The following OSGIN1 variants were observed in gnomAD, a reference collection of about 807,000 sequenced individuals.
The protein encoded by OSGIN1 is oxidative stress induced growth inhibitor 1.
OSGIN1 carries 19 observed loss-of-function variants against 20.1 expected under a neutral mutation model. That is an observed-to-expected ratio of 0.95 (90% CI 0.66 to 1.39). The LOEUF (loss-of-function observed/expected upper bound fraction) is 1.39, where lower values mean the gene tolerates loss of function less well. Ranked by LOEUF, OSGIN1 falls within the 40% of genes most tolerant of loss-of-function variation. OSGIN1 has a pLI of 0.00. For missense variants in OSGIN1, 820 were observed against 653.0 expected (o/e 1.26, Z -2.79); for synonymous variants, 368 against 297.8 (o/e 1.24, Z -2.43).
At chr16:83,956,389 C>T (rs824399) in intron 1 of OSGIN1, among the ~76,000 whole-genome samples, 8,568 of 152,334 alleles carry the variant, frequency 0.056, 283 homozygotes, top group South Asian at 0.13. Flanking sequence ...AATCCAGATT[C>T]CCACTTTCTC....
chr16:83,956,072 G>C (rs535056450), intron 1 of OSGIN1, among the ~76,000 whole-genome samples: 4 of 152,328 alleles, frequency 2.6e-5, no homozygotes, highest in Admixed American at 6.5e-5. Context: ...CACCTCTCAA[G>C]GCTGCTGAGC....
rs781705166 is a variant in OSGIN1, at chr16:83,965,614, G to A, written c.1041G>A (p.Gln347=). 1 of 1,613,182 alleles carries A rather than the reference G, an allele frequency of 6.2e-7. No individual in the cohort carries two copies. The highest frequency in any genetic ancestry group is 2.2e-5 in the East Asian group (1 of 44,882). The change falls in exon 6 of 6, where the codon CAG becomes CAA. Residue 347 remains glutamine (Q), a synonymous_variant. Coordinates refer to ENST00000393306, the MANE Select transcript of OSGIN1 (RefSeq NM_182981.3). ...AGGTGCACCAGATGATGCGGGAGCA[G>A]TCCATCCTGTCGCCCAGCCCCTATG... ...YHKVHQMMRE[Q]SILSPSPYEG... is the part of the protein sequence containing the mutation.
chr16:83,957,495 G>T, intron 1 of OSGIN1, 145 bp from the exon 2 acceptor site: 1 of 594,062 alleles, frequency 1.7e-6, no homozygotes, highest in South Asian at 2.0e-5. Flanking sequence ...GAGCAAGAAG[G>T]GAGTCCCGTC....
chr16:83,966,271 A>G lies in OSGIN1; in HGVS notation c.*264A>G, dbSNP rs1423597943. 1.9e-6 allele frequency: 1 copy of G among 515,150 alleles called. No individual in the cohort carries two copies. 31.9% of individuals were successfully genotyped at this position (515,150 alleles called of 1,614,324 possible). A position where few individuals can be genotyped will look rare whatever the true frequency, so the allele number is the denominator to read the frequency against. On this transcript the variant is annotated 3_prime_UTR_variant, in exon 6 of 6. Coordinates refer to ENST00000393306, the MANE Select transcript of OSGIN1 (RefSeq NM_182981.3). ...GGTGTGACCAGCTGAGCACCCAGCCAGGAGACCTGCAGCCCTGCGCCTTCC... is the reference window on the plus strand; with the variant it reads ...GGTGTGACCAGCTGAGCACCCAGCCGGGAGACCTGCAGCCCTGCGCCTTCC...
At chr16:83,960,787 T>G (rs368041133) in intron 4 of OSGIN1, 27 bp downstream of exon 4, 86 of 1,606,576 alleles carry the variant, frequency 5.4e-5, no homozygotes, top group Non-Finnish European at 6.8e-5. Flanking sequence ...GGGCATGGCT[T>G]GTGGGGGGCT....
Position 83,965,366 on chromosome 16 carries a change from A to G in OSGIN1, c.793A>G (p.Ile265Val). 1 of 1,571,888 alleles carries G rather than the reference A, an allele frequency of 6.4e-7. No individual in the cohort carries two copies. Among genetic ancestry groups the G allele is most frequent in the South Asian group, 1.2e-5 (1 of 85,142 alleles). The change falls in exon 6 of 6, where the codon ATC becomes GTC. Residue 265 changes from isoleucine to valine, a missense_variant. Transcript: ENST00000393306. ...LGIPGEALPF[I>V]HHELSALEAA... ...CATCCCCGGGGAGGCCCTGCCCTTC[A>G]TCCACCATGAGCTGTCTGCCCTGGA...
intron 1 of OSGIN1, among the ~76,000 whole-genome samples, chr16:83,955,966 C>A (rs538253012): frequency 6.6e-6 from 1 of 152,264 alleles, no homozygotes; most frequent in South Asian, 2.1e-4. Context: ...CAGAGAGCAC[C>A]GACACAGGGG....
rs756841452 is a variant in OSGIN1, at chr16:83,965,192, G to A, written c.619G>A (p.Asp207Asn). The change falls in exon 6 of 6, where the codon GAT (aspartate) becomes AAT (asparagine). Residue 207 changes from aspartate (D) to asparagine (N), a missense_variant. Asp to Asn is a conservative substitution (Grantham distance 23, BLOSUM62 1). Coordinates refer to ENST00000393306, the MANE Select transcript of OSGIN1 (RefSeq NM_182981.3). Reference protein sequence around the residue: ...VVTAVEWGTPDPSSCGAQDSS... With the variant: ...VVTAVEWGTPNPSSCGAQDSS... ...CACAGCCGTGGAGTGGGGGACCCCCGATCCCAGCAGCTGTGGGGCCCAGGA... is the reference window on the plus strand; with the variant it reads ...CACAGCCGTGGAGTGGGGGACCCCCAATCCCAGCAGCTGTGGGGCCCAGGA... The A allele has an allele frequency of 8.1e-6, 13 of 1,613,120 alleles. No homozygotes were observed. The highest frequency in any genetic ancestry group is 3.3e-5 in the Admixed American group (2 of 60,010).
rs530124336 is a variant in OSGIN1 at position 83,961,835 on chromosome 16, C to T, written c.488+763C>T. ...TAACACCTGGCCCCTGAGCCCCACG[C>T]CCTGCCCCGTGCCTCTGGCACAGGT... On this transcript the variant is annotated intron_variant, in intron 5 of 5. Coordinates refer to ENST00000393306, the MANE Select transcript of OSGIN1 (RefSeq NM_182981.3). Among the ~76,000 whole-genome samples the T allele has an allele frequency of 1.1e-4, 17 of 152,340 alleles. No homozygotes were observed. In the Middle Eastern group the frequency reaches 0.014, roughly 123 times the overall value.
intron 1 of OSGIN1, among the ~76,000 whole-genome samples, chr16:83,955,470 A>C (rs959557379): frequency 6.6e-6 from 1 of 152,212 alleles, no homozygotes; most frequent in African/African-American, 2.4e-5. Flanking sequence ...GCTCTGGAGC[A>C]GGGCGGCCTG....
chr16:83,962,280 C>T (rs1243968773), intron 5 of OSGIN1, among the ~76,000 whole-genome samples: 23 of 152,154 alleles, frequency 1.5e-4, no homozygotes, highest in Admixed American at 9.8e-4. Context: ...CCTCTGTCGC[C>T]CAGGCTGGAG....
chr16:83,964,634 G>T (rs1274519975), intron 5 of OSGIN1, among the ~76,000 whole-genome samples: 1 of 152,140 alleles, frequency 6.6e-6, no homozygotes. Context: ...TTCCAGTCAG[G>T]TTCCATCCTA....
intron 5 of OSGIN1, among the ~76,000 whole-genome samples, chr16:83,963,630 G>C (rs984242420): frequency 6.6e-6 from 1 of 152,208 alleles, no homozygotes; most frequent in African/African-American, 2.4e-5. Context: ...TGCCCACAGA[G>C]ATAAATTCCA....
intron 3 of OSGIN1, among the ~76,000 whole-genome samples, chr16:83,959,875 G>T (rs531206214): frequency 2.0e-5 from 3 of 152,018 alleles, no homozygotes; most frequent in African/African-American, 7.2e-5. Context: ...ATGTCAGTGC[G>T]GCCAAGGTTG....
Position 83,965,961 on chromosome 16 carries a change from C to T in OSGIN1, c.1388C>T (p.Ala463Val). The T allele has an allele frequency of 6.2e-7, 1 of 1,607,444 alleles. No individual in the cohort carries two copies. Among genetic ancestry groups the T allele is most frequent in the Non-Finnish European group, 8.5e-7 (1 of 1,177,504 alleles). Residue 463 changes from alanine to valine, a missense_variant, in exon 6 of 6, where the codon GCT (alanine) becomes GTT (valine). Transcript: ENST00000393306. ...FVRFVQGGAL[A>V]VASSLLRKET... Reference sequence around the variant, plus strand: ...AGGTTTGTGCAGGGGGGCGCCTTGGCTGTGGCCAGCTCCCTGCTAAGGAAG... The same window carrying T: ...AGGTTTGTGCAGGGGGGCGCCTTGGTTGTGGCCAGCTCCCTGCTAAGGAAG...
In OSGIN1 at chr16:83,960,704, G is replaced by A; in HGVS notation, c.340G>A (p.Glu114Lys). The change falls in exon 4 of 6, where the codon GAG (glutamate) becomes AAG (lysine). Residue 114 changes from glutamate to lysine, a missense_variant. Transcript: ENST00000393306. The part of the protein sequence containing the change: ...KSVLTWKHRK[E>K]HAIPHVVLGR... ...GGTCCTCACCTGGAAGCACCGGAAGGAGCACGCCATCCCCCACGTGGTTCT... is the reference window on the plus strand; with the variant it reads ...GGTCCTCACCTGGAAGCACCGGAAGAAGCACGCCATCCCCCACGTGGTTCT... 1 of 1,613,556 alleles carries A rather than the reference G, an allele frequency of 6.2e-7. No individual in the cohort carries two copies. The highest frequency in any genetic ancestry group is 1.1e-5 in the South Asian group (1 of 91,092).
intron 4 of OSGIN1, 81 bp from the exon 5 acceptor site, chr16:83,960,900 A>G (rs1909182575): frequency 2.0e-6 from 3 of 1,524,786 alleles, no homozygotes; most frequent in Middle Eastern, 1.7e-4. Flanking sequence ...ACCCAGCCCC[A>G]GCAAAGGCCT....
intron 5 of OSGIN1, 71 bp downstream of exon 5, chr16:83,961,143 G>A: frequency 1.7e-6 from 2 of 1,198,244 alleles, no homozygotes; most frequent in South Asian, 1.2e-5. Context: ...TCTGAGACAG[G>A]TCTCAGTTAA....
chr16:83,960,088 G>T (rs765453409), intron 3 of OSGIN1, among the ~76,000 whole-genome samples: 1 of 152,120 alleles, frequency 6.6e-6, no homozygotes, highest in Non-Finnish European at 1.5e-5. Flanking sequence ...ATTTGATCTA[G>T]ATCAGCATTT....
Sources: gnomAD v4.1 joint callset for allele counts (sites outside exome capture counted in the v4.1 genomes callset) on GRCh38, gnomAD v4.1.1 for gene constraint, MANE v1.5 for transcripts, NCBI Gene and HGNC (gene_info 2026-07-23, HGNC 2026-07-21) for gene names.